Variants in DAB1 observed in about 807,000 individuals in gnomAD.
The protein encoded by DAB1 is disabled homolog 1.
In DAB1, 15 loss-of-function variants were observed where a neutral mutation model predicts 64.6. The observed-to-expected ratio is 0.23, with a 90% CI of 0.16 to 0.36. The LOEUF (loss-of-function observed/expected upper bound fraction) is 0.36, where lower values mean the gene tolerates loss of function less well. Ranked by LOEUF, DAB1 falls within the 10% of genes least tolerant of loss-of-function variation. The pLI, the probability that DAB1 is intolerant of heterozygous loss-of-function variation, is 1.00. For missense variants in DAB1, 596 were observed against 706.7 expected, an observed-to-expected ratio of 0.84 and a Z score of 1.78; for synonymous variants, 235 against 251.9, an observed-to-expected ratio of 0.93 and a Z score of 0.64.
At chr1:58,287,104 T>C (rs1028223840) in intron 4 of DAB1, among the ~76,000 whole-genome samples, 10 of 152,108 alleles carry the variant, frequency 6.6e-5, no homozygotes, top group Admixed American at 3.3e-4. Context: ...CACTTGTAAG[T>C]GGGAGCCAAA....
At chr1:58,448,147 C>A (rs972279152) in intron 3 of DAB1, among the ~76,000 whole-genome samples, 2 of 152,150 alleles carry the variant, frequency 1.3e-5, no homozygotes, top group African/African-American at 2.4e-5. Flanking sequence ...TGTCTCCCAG[C>A]AAACATACCC....
intron 9 of DAB1, among the ~76,000 whole-genome samples, chr1:57,031,356 A>G (rs1646961778): frequency 6.6e-6 from 1 of 152,210 alleles, no homozygotes; most frequent in African/African-American, 2.4e-5. Context: ...CTAATAAACC[A>G]TGTTCCATCT....
intron 5 of DAB1, among the ~76,000 whole-genome samples, chr1:58,124,744 G>A (rs1294333259): frequency 1.3e-5 from 2 of 152,174 alleles, no homozygotes; most frequent in Non-Finnish European, 2.9e-5. Flanking sequence ...TTAGGCCAGT[G>A]TCTTTGCATT....
At chr1:57,206,228 G>A (rs1483376315) in intron 2 of DAB1, among the ~76,000 whole-genome samples, 3 of 152,130 alleles carry the variant, frequency 2.0e-5, no homozygotes, top group African/African-American at 7.2e-5. Context: ...AGGGAGGCAG[G>A]GAGAAAAGGA....
At chr1:57,828,404 T>A (rs1036260824) in intron 1 of DAB1, among the ~76,000 whole-genome samples, 2 of 152,240 alleles carry the variant, frequency 1.3e-5, no homozygotes, top group African/African-American at 4.8e-5. Context: ...TACATTTTTA[T>A]CTTATCTTCC....
chr1:57,684,729 C>G (rs1017159751), intron 6 of DAB1, among the ~76,000 whole-genome samples: 1 of 152,102 alleles, frequency 6.6e-6, no homozygotes. Flanking sequence ...ACATGACAAC[C>G]AGCTACCATC....
At chr1:58,394,140 A>G (rs1644499520) in intron 3 of DAB1, among the ~76,000 whole-genome samples, 1 of 152,228 alleles carries the variant, frequency 6.6e-6, no homozygotes, top group Admixed American at 6.5e-5. Flanking sequence ...CATTAGTCAT[A>G]GAAGAATGTA....
At chr1:57,197,918 T>C (rs193155135) in intron 2 of DAB1, among the ~76,000 whole-genome samples, 1 of 151,504 alleles carries the variant, frequency 6.6e-6, no homozygotes, top group African/African-American at 2.4e-5. Context: ...TTGATGGTGA[T>C]GATTTAGCAA....
chr1:57,880,351 C>T (rs1644125100), intron 1 of DAB1: 5 of 152,154 alleles, frequency 3.3e-5, no homozygotes, highest in Admixed American at 2.6e-4. Flanking sequence ...ATTGAAACAA[C>T]AAACTTGAGC....
chr1:58,486,493 A>G (rs1569867661), intron 3 of DAB1, among the ~76,000 whole-genome samples: 1 of 152,030 alleles, frequency 6.6e-6, no homozygotes, highest in Admixed American at 6.6e-5. Context: ...TCTATTTTTC[A>G]CCCACTATTA....
intron 3 of DAB1, among the ~76,000 whole-genome samples, chr1:58,498,227 G>A (rs1283163628): frequency 6.6e-6 from 1 of 150,930 alleles, no homozygotes; most frequent in Non-Finnish European, 1.5e-5. Flanking sequence ...TATAATAATG[G>A]TAAAACTAAA....
intron 3 of DAB1, among the ~76,000 whole-genome samples, chr1:58,373,323 TC>T (rs1267511527): frequency 9.8e-6 from 1 of 102,368 alleles, no homozygotes; most frequent in Non-Finnish European, 2.2e-5. Flanking sequence ...CCCTCCCCAC[TC>T]CCCCCTCCCC....
intron 3 of DAB1, among the ~76,000 whole-genome samples, chr1:57,138,577 G>C (rs1658326626): frequency 6.6e-6 from 1 of 152,132 alleles, no homozygotes; most frequent in Non-Finnish European, 1.5e-5. Context: ...AGAGTTCTCT[G>C]TCTCTTCAAT....
intron 4 of DAB1, among the ~76,000 whole-genome samples, chr1:58,238,204 A>T (rs1660134734): frequency 6.6e-6 from 1 of 152,220 alleles, no homozygotes; most frequent in Non-Finnish European, 1.5e-5. Context: ...AAGGGTCTCT[A>T]TGTGCTAAGT....
intron 5 of DAB1, among the ~76,000 whole-genome samples, chr1:58,063,471 G>T (rs1648640811): frequency 6.6e-6 from 1 of 152,092 alleles, no homozygotes; most frequent in Admixed American, 6.5e-5. Flanking sequence ...TATAGCCCGG[G>T]CCCCCACACT....
intron 7 of DAB1, among the ~76,000 whole-genome samples, chr1:57,457,080 G>A (rs1686622787): frequency 6.6e-6 from 1 of 152,154 alleles, no homozygotes. Context: ...AAAATTGGCA[G>A]AGATGATAGA....
intron 9 of DAB1, among the ~76,000 whole-genome samples, chr1:57,058,653 T>C (rs1291733358): frequency 6.6e-6 from 1 of 152,204 alleles, no homozygotes; most frequent in Admixed American, 6.5e-5. Flanking sequence ...TGATCACTGT[T>C]ATTAATCTAA....
chr1:57,605,370 G>A (rs1220905252), intron 7 of DAB1, among the ~76,000 whole-genome samples: 6 of 152,194 alleles, frequency 3.9e-5, no homozygotes, highest in Admixed American at 3.9e-4. Context: ...CATGTTGAGA[G>A]TAGATCGGAG....
chr1:57,837,329 A>G (rs1176191917), intron 1 of DAB1, among the ~76,000 whole-genome samples: 1 of 152,096 alleles, frequency 6.6e-6, no homozygotes, highest in Non-Finnish European at 1.5e-5. Context: ...TCTCTAACAC[A>G]TTCATGTTTC....
Sources: gnomAD v4.1 joint callset for allele counts (sites outside exome capture counted in the v4.1 genomes callset) on GRCh38, gnomAD v4.1.1 for gene constraint, MANE v1.5 for transcripts, NCBI Gene and HGNC (gene_info 2026-07-23, HGNC 2026-07-21) for gene names.